The following RALY variants were observed in gnomAD, a reference collection of about 807,000 sequenced individuals.
RALY encodes the protein RALY heterogeneous nuclear ribonucleoprotein, also known as RNA-binding protein Raly.
Under a neutral mutation model 30.7 loss-of-function variants are expected in RALY, and 15 were observed. The ratio of observed to expected loss-of-function variants is 0.49; its 90% CI spans 0.33 to 0.75. The LOEUF is 0.75. Among genes scored for constraint, RALY ranks in the 30% least tolerant of loss-of-function variants. The probability of loss-of-function intolerance (pLI) is 0.02; values close to 1 mark genes in which losing one functional copy is unlikely to be tolerated. For missense variants in RALY, 339 were observed against 414.3 expected, an observed-to-expected ratio of 0.82 and a Z score of 1.58; for synonymous variants, 177 against 170.8, an observed-to-expected ratio of 1.04 and a Z score of -0.28.
intron 7 of RALY, 31 bp downstream of exon 7, chr20:34,076,846 A>T: frequency 6.2e-7 from 1 of 1,609,206 alleles, no homozygotes; most frequent in Non-Finnish European, 8.5e-7. Context: ...ACCCACCTCC[A>T]TGACCAGGGC....
intron 1 of RALY, among the ~76,000 whole-genome samples, chr20:34,011,910 A>T (rs2031413070): frequency 6.6e-6 from 1 of 152,118 alleles, no homozygotes; most frequent in South Asian, 2.1e-4. Flanking sequence ...TACCAAAAAT[A>T]TAAAAATTAG....
At chr20:34,071,356 C>T (rs1329594857) in intron 2 of RALY, among the ~76,000 whole-genome samples, 3 of 151,658 alleles carry the variant, frequency 2.0e-5, no homozygotes, top group Non-Finnish European at 4.4e-5. Context: ...TGGCTTACTG[C>T]AACCTCCACC....
intron 1 of RALY, among the ~76,000 whole-genome samples, chr20:34,022,224 C>T (rs955438505): frequency 6.6e-6 from 1 of 151,964 alleles, no homozygotes; most frequent in African/African-American, 2.4e-5. Flanking sequence ...CCACCATGCA[C>T]AGCCTGGACA....
chr20:33,999,682 G>T (rs1482822607), intron 1 of RALY, among the ~76,000 whole-genome samples: 1 of 152,278 alleles, frequency 6.6e-6, no homozygotes, highest in South Asian at 2.1e-4. Context: ...CGTATCCTAA[G>T]GAGCTCATGA....
At chr20:34,031,929 C>T (rs1568667259) in intron 2 of RALY, among the ~76,000 whole-genome samples, 1 of 152,178 alleles carries the variant, frequency 6.6e-6, no homozygotes, top group South Asian at 2.1e-4. Flanking sequence ...TATACCTGTC[C>T]TCTCACAAGC....
intron 2 of RALY, among the ~76,000 whole-genome samples, chr20:34,051,556 G>A (rs1402538449): frequency 1.3e-5 from 2 of 152,166 alleles, no homozygotes; most frequent in Non-Finnish European, 2.9e-5. Context: ...TCATAGGATA[G>A]CGTTTTCAGT....
chr20:34,084,426 C>G lies in RALY; in HGVS notation c.*4521C>G, dbSNP rs901436016. ...GAGGGGAGAATCCCCAAAAGGAGAG[C>G]AAGGCTTGGCTAACAAAAACAGGCA... On this transcript the variant is annotated 3_prime_UTR_variant, in exon 10 of 10. Coordinates refer to ENST00000246194, the MANE Select transcript of RALY (RefSeq NM_016732.3). 1.3e-5 allele frequency: 2 copies of G among 152,246 alleles called. No individual in the cohort carries two copies. Among genetic ancestry groups the G allele is most frequent in the Admixed American group, 1.3e-4 (2 of 15,282 alleles). 9.4% of individuals were successfully genotyped at this position (152,246 alleles called of 1,614,324 possible).
chr20:34,006,045 A>G (rs1179590607), intron 1 of RALY, among the ~76,000 whole-genome samples: 1 of 152,262 alleles, frequency 6.6e-6, no homozygotes, highest in East Asian at 1.9e-4. Context: ...TAAAGATGCT[A>G]TAAACAAACA....
chr20:34,037,301 A>C (rs1290495523), intron 2 of RALY, among the ~76,000 whole-genome samples: 1 of 152,168 alleles, frequency 6.6e-6, no homozygotes, highest in African/African-American at 2.4e-5. Flanking sequence ...GCTTTGAGTA[A>C]GACATACGGG....
intron 8 of RALY, 81 bp downstream of exon 8, chr20:34,077,326 A>G: frequency 3.2e-6 from 5 of 1,579,938 alleles, no homozygotes; most frequent in Non-Finnish European, 3.4e-6. Context: ...GGGCAGCCTG[A>G]GCTGGTTGCC....
intron 1 of RALY, among the ~76,000 whole-genome samples, chr20:34,003,577 C>T (rs2031017783): frequency 6.6e-6 from 1 of 151,374 alleles, no homozygotes. Flanking sequence ...GTTCTCTAAC[C>T]TCATACTGTA....
At chr20:34,053,196 T>C (rs1458346875) in intron 2 of RALY, among the ~76,000 whole-genome samples, 1 of 151,882 alleles carries the variant, frequency 6.6e-6, no homozygotes, top group African/African-American at 2.4e-5. Context: ...GTTTATATGG[T>C]AGATTGTTCA....
intron 1 of RALY, among the ~76,000 whole-genome samples, chr20:34,028,224 TG>T (rs1387426063): frequency 2.0e-5 from 3 of 151,682 alleles, no homozygotes; most frequent in Non-Finnish European, 4.4e-5. Flanking sequence ...AGGCGGAGGT[TG>T]CAGTGAGCTG....
chr20:34,062,423 C>T lies in RALY; in HGVS notation c.-9-9643C>T, dbSNP rs183341892. Among the ~76,000 whole-genome samples, 8 of 152,314 alleles carry T rather than the reference C, an allele frequency of 5.3e-5. No homozygotes were observed. In the East Asian group the frequency reaches 1.5e-3, roughly 29 times the overall value. On this transcript the variant is annotated intron_variant, in intron 2 of 9. Transcript: ENST00000246194. ...ATACTTTCAGACAGCCCACATGATA[C>T]CTATGTTTTTATTTGTCTGTGAAAT...
intron 2 of RALY, among the ~76,000 whole-genome samples, chr20:34,068,467 C>G (rs987961359): frequency 6.6e-6 from 1 of 152,188 alleles, no homozygotes; most frequent in South Asian, 2.1e-4. Flanking sequence ...CAGCCCACAG[C>G]TAGACCTTCT....
rs2034015562 is a variant in RALY, at chr20:34,080,676, C to G, written c.*771C>G. On this transcript the variant is annotated 3_prime_UTR_variant, in exon 10 of 10. Transcript: ENST00000246194. ...GCCTCTGCCCTGTACCATCTCCCAGCAGCCACGCAGTCTTTCTGAAACGTA... is the reference window on the plus strand; with the variant it reads ...GCCTCTGCCCTGTACCATCTCCCAGGAGCCACGCAGTCTTTCTGAAACGTA... 1 of 152,606 alleles carries G rather than the reference C, an allele frequency of 6.6e-6. No homozygotes were observed. The highest frequency in any genetic ancestry group is 6.5e-5 in the Admixed American group (1 of 15,292). The allele number at this position is 152,606 out of a possible 1,614,324, so 9.5% of individuals were successfully genotyped here. A position where few individuals can be genotyped will look rare whatever the true frequency, so the allele number is the denominator to read the frequency against.
At chr20:34,052,213 T>C (rs941467001) in intron 2 of RALY, among the ~76,000 whole-genome samples, 1 of 152,236 alleles carries the variant, frequency 6.6e-6, no homozygotes, top group African/African-American at 2.4e-5. Flanking sequence ...CCTTATTGTG[T>C]GTGTCTCTTG....
chr20:34,072,681 C>G (rs1217610501), intron 3 of RALY, among the ~76,000 whole-genome samples: 2 of 152,122 alleles, frequency 1.3e-5, no homozygotes, highest in Non-Finnish European at 2.9e-5. Flanking sequence ...TTTCTGAGAG[C>G]GAGCAGGAGG....
rs73257752 is a variant in RALY, at chr20:34,031,816, A to C, written c.-10+212A>C. On this transcript the variant is annotated intron_variant, in intron 2 of 9. Transcript: ENST00000246194. The stretch of plus-strand genomic sequence containing the variant: ...AATTGCCACAAGAATGTCTGAGATC[A>C]TTTGCCATGAATAAGGCAGAGCAGG... Among the ~76,000 whole-genome samples the C allele has an allele frequency of 7.0e-3, 1,064 of 152,292 alleles. 13 individuals carry two copies. The highest frequency in any genetic ancestry group is 0.024 in the African/African-American group (986 of 41,552).
Sources: gnomAD v4.1 joint callset for allele counts (sites outside exome capture counted in the v4.1 genomes callset) on GRCh38, gnomAD v4.1.1 for gene constraint, MANE v1.5 for transcripts, NCBI Gene and HGNC (gene_info 2026-07-23, HGNC 2026-07-21) for gene names.